MBD5: variants seen among roughly 807,000 people sequenced by gnomAD.
MBD5 encodes the protein methyl-CpG-binding domain protein 5.
MBD5 carries 13 observed loss-of-function variants against 117.3 expected under a neutral mutation model. The observed-to-expected ratio is 0.11, with a 90% CI of 0.07 to 0.18. The LOEUF is 0.18. Ranked by LOEUF, MBD5 falls within the 10% of genes least tolerant of loss-of-function variation. MBD5 has a pLI of 1.00. For missense variants in MBD5, 1,879 were observed against 2,093.8 expected, an observed-to-expected ratio of 0.90 and a Z score of 2.00; for synonymous variants, 727 against 766.4, an observed-to-expected ratio of 0.95 and a Z score of 0.85.
chr2:148,076,233 T>C (rs998089693), intron 1 of MBD5, among the ~76,000 whole-genome samples: 1 of 152,182 alleles, frequency 6.6e-6, no homozygotes, highest in Non-Finnish European at 1.5e-5. Context: ...TGTTTCTGTC[T>C]TTCTGCTTTG....
intron 1 of MBD5, among the ~76,000 whole-genome samples, chr2:148,167,803 C>A (rs1698164628): frequency 6.6e-6 from 1 of 152,076 alleles, no homozygotes; most frequent in Admixed American, 6.6e-5. Flanking sequence ...AGCCAAATCC[C>A]ACATCTTTTG....
chr2:148,074,507 G>GTTTTTTTTTTTTGTT (rs11443189), intron 1 of MBD5, among the ~76,000 whole-genome samples: 67 of 113,768 alleles, frequency 5.9e-4, no homozygotes, highest in African/African-American at 6.9e-4. Context: ...TTTTTTTTTT[G>GTTTTTTTTTTTTGTT]TTTTTTTTTT....
chr2:148,205,945 A>T (rs1699269478), intron 2 of MBD5, among the ~76,000 whole-genome samples: 1 of 151,976 alleles, frequency 6.6e-6, no homozygotes, highest in South Asian at 2.1e-4. Flanking sequence ...GTTCGAGACC[A>T]CCCTGGGCAA....
At chr2:148,280,402 C>T (rs1425264053) in intron 3 of MBD5, among the ~76,000 whole-genome samples, 1 of 152,026 alleles carries the variant, frequency 6.6e-6, no homozygotes, top group Non-Finnish European at 1.5e-5. Context: ...CTTGCCTTCC[C>T]TCAATGTTCA....
chr2:148,122,252 A>G (rs1458123730), intron 1 of MBD5, among the ~76,000 whole-genome samples: 1 of 152,178 alleles, frequency 6.6e-6, no homozygotes, highest in Non-Finnish European at 1.5e-5. Flanking sequence ...TTCTCTTTAC[A>G]CCCTCACTAA....
In MBD5 at chr2:148,128,428, A is replaced by AC. The variant is rs567474333; in HGVS notation, c.-924-50271dup. 1.7e-4 allele frequency among the ~76,000 whole-genome samples: 26 copies of AC among 152,306 alleles called. No individual in the cohort carries two copies. The South Asian group carries it at 5.4e-3, about 32-fold the overall frequency. On this transcript the variant is annotated intron_variant, in intron 1 of 13. Coordinates refer to ENST00000642680, the MANE Select transcript of MBD5 (RefSeq NM_001378120.1). The stretch of plus-strand genomic sequence containing the variant: ...AGGTTGTAGCATCCTGAACCCAATG[A>AC]CAAACAGTTGTCCAAGGTCACACAT...
chr2:148,389,945 G>C (rs1704515295), intron 4 of MBD5, among the ~76,000 whole-genome samples: 1 of 151,992 alleles, frequency 6.6e-6, no homozygotes, highest in Non-Finnish European at 1.5e-5. Context: ...CTATTTGTCT[G>C]TTTTTGTTTC....
At chr2:148,348,129 A>G (rs1703165752) in intron 4 of MBD5, among the ~76,000 whole-genome samples, 1 of 152,010 alleles carries the variant, frequency 6.6e-6, no homozygotes, top group African/African-American at 2.4e-5. Context: ...ACAAAGCACA[A>G]TGCCTTGTAT....
chr2:148,264,815 A>G lies in MBD5; in HGVS notation c.-680+31420A>G, dbSNP rs536336912. 7 of 152,298 alleles carry G rather than the reference A, an allele frequency of 4.6e-5. No homozygotes were observed. The East Asian group carries it at 9.6e-4, about 21-fold the overall frequency. The allele number at this position is 152,298 out of a possible 1,614,324, so 9.4% of individuals were successfully genotyped here. Reference sequence around the variant, plus strand: ...GGGTTCTGCTGCCTTTGGACACTCAATGAAGTTTGCTGTTTCAGTGTGACT... The same window carrying G: ...GGGTTCTGCTGCCTTTGGACACTCAGTGAAGTTTGCTGTTTCAGTGTGACT... On this transcript the variant is annotated intron_variant, in intron 3 of 13. Coordinates refer to ENST00000642680, the MANE Select transcript of MBD5 (RefSeq NM_001378120.1).
chr2:148,492,599 C>A (rs1011250016), intron 11 of MBD5, among the ~76,000 whole-genome samples: 2 of 152,120 alleles, frequency 1.3e-5, no homozygotes, highest in South Asian at 2.1e-4. Flanking sequence ...AAACCTGTTC[C>A]TTTCAGGACC....
chr2:148,311,374 G>T (rs573192866), intron 3 of MBD5, among the ~76,000 whole-genome samples: 1 of 152,244 alleles, frequency 6.6e-6, no homozygotes, highest in South Asian at 2.1e-4. Context: ...AGCTCTTCTT[G>T]TTGCATTGAT....
intron 7 of MBD5, among the ~76,000 whole-genome samples, chr2:148,464,287 T>C (rs1707189105): frequency 6.6e-6 from 1 of 152,116 alleles, no homozygotes; most frequent in African/African-American, 2.4e-5. Flanking sequence ...CCAAAAGCAG[T>C]GTTATTCTTT....
chr2:148,076,127 A>AT, intron 1 of MBD5, among the ~76,000 whole-genome samples: 1 of 152,184 alleles, frequency 6.6e-6, no homozygotes, highest in African/African-American at 2.4e-5. Context: ...ATGTTTAGAG[A>AT]TTTTTCCTAC....
chr2:148,273,378 A>G (rs1473931090), intron 3 of MBD5, among the ~76,000 whole-genome samples: 2 of 152,184 alleles, frequency 1.3e-5, no homozygotes, highest in Admixed American at 6.5e-5. Flanking sequence ...TTCACGAGTC[A>G]TGTAGCTGGA....
intron 3 of MBD5, among the ~76,000 whole-genome samples, chr2:148,323,231 A>C (rs1334886844): frequency 6.6e-6 from 1 of 152,024 alleles, no homozygotes; most frequent in Admixed American, 6.6e-5. Context: ...ACATTTTCTT[A>C]ATCCAGACTA....
intron 1 of MBD5, among the ~76,000 whole-genome samples, chr2:148,104,266 G>C (rs1224027381): frequency 2.6e-5 from 4 of 152,034 alleles, no homozygotes; most frequent in Admixed American, 2.0e-4. Context: ...TCTTGTACCT[G>C]ATACTTGGTA....
chr2:148,107,425 A>G (rs1386806712), intron 1 of MBD5, among the ~76,000 whole-genome samples: 1 of 151,640 alleles, frequency 6.6e-6, no homozygotes, highest in Non-Finnish European at 1.5e-5. Context: ...TTTTTTTATC[A>G]GATATGAAAA....
chr2:148,392,841 T>C (rs115256269), intron 4 of MBD5, among the ~76,000 whole-genome samples: 5,374 of 152,310 alleles, frequency 0.035, 155 homozygotes, highest in Middle Eastern at 0.13. Flanking sequence ...ACAGTGAGCT[T>C]AGGAATTATT....
chr2:148,258,912 T>A (rs1700664392), intron 3 of MBD5, among the ~76,000 whole-genome samples: 1 of 152,102 alleles, frequency 6.6e-6, no homozygotes, highest in Non-Finnish European at 1.5e-5. Flanking sequence ...AGAGCCGCCA[T>A]AGCAGTGGTC....
Sources: allele counts gnomAD v4.1 joint callset (sites outside exome capture counted in the v4.1 genomes callset), GRCh38; gene constraint gnomAD v4.1.1; transcripts MANE v1.5; gene names NCBI Gene and HGNC (gene_info 2026-07-23, HGNC 2026-07-21).